Variants in VWC2L observed in about 807,000 individuals in gnomAD.
The protein encoded by VWC2L is von Willebrand factor C domain containing 2 like.
A neutral mutation model predicts 21.6 loss-of-function variants in VWC2L; 10 were observed. The ratio of observed to expected loss-of-function variants is 0.46; its 90% CI spans 0.29 to 0.78. The LOEUF (loss-of-function observed/expected upper bound fraction) is 0.78, where lower values mean the gene tolerates loss of function less well. VWC2L is among the 30% of genes least tolerant of loss of function. The probability of loss-of-function intolerance (pLI) is 0.10; values close to 1 mark genes in which losing one functional copy is unlikely to be tolerated. For missense variants in VWC2L, 209 were observed against 277.1 expected, an observed-to-expected ratio of 0.75 and a Z score of 1.74; for synonymous variants, 96 against 94.3, an observed-to-expected ratio of 1.02 and a Z score of -0.10.
At chr2:214,499,516 G>T (rs573458590) in intron 3 of VWC2L, among the ~76,000 whole-genome samples, 4 of 134,398 alleles carry the variant, frequency 3.0e-5, no homozygotes, top group Admixed American at 1.5e-4. Flanking sequence ...GTGGGGGGAG[G>T]GGTGGAGGGA....
chr2:214,525,305 C>G (rs978911874), intron 3 of VWC2L: 1 of 152,080 alleles, frequency 6.6e-6, no homozygotes, highest in Non-Finnish European at 1.5e-5. Context: ...TGTGTGCAAA[C>G]AGACAAAAGT....
At chr2:214,431,729 T>C (rs1213998112) in intron 2 of VWC2L, among the ~76,000 whole-genome samples, 2 of 152,230 alleles carry the variant, frequency 1.3e-5, no homozygotes, top group Non-Finnish European at 2.9e-5. Context: ...ATATACTAAA[T>C]TGTTGTGCTT....
intron 3 of VWC2L, among the ~76,000 whole-genome samples, chr2:214,568,875 T>C (rs1178701046): frequency 6.6e-6 from 1 of 152,176 alleles, no homozygotes; most frequent in Non-Finnish European, 1.5e-5. Context: ...GGTATCTTAA[T>C]CCTATTGCAT....
chr2:214,492,152 G>A (rs1411912599), intron 3 of VWC2L, among the ~76,000 whole-genome samples: 1 of 152,216 alleles, frequency 6.6e-6, no homozygotes, highest in Non-Finnish European at 1.5e-5. Context: ...AAAGCAGGGA[G>A]AAGTCAAAGA....
At chr2:214,518,186 G>A (rs1393137986) in intron 3 of VWC2L, among the ~76,000 whole-genome samples, 2 of 151,810 alleles carry the variant, frequency 1.3e-5, no homozygotes, top group African/African-American at 4.8e-5. Flanking sequence ...AAATGAATTA[G>A]TACTGTATGT....
chr2:214,508,425 T>C (rs1689001228), intron 3 of VWC2L, among the ~76,000 whole-genome samples: 1 of 152,206 alleles, frequency 6.6e-6, no homozygotes, highest in African/African-American at 2.4e-5. Flanking sequence ...AAACTGCCAT[T>C]TCTACTTTTT....
At chr2:214,450,204 G>A (rs755725863) in intron 3 of VWC2L, among the ~76,000 whole-genome samples, 2 of 152,156 alleles carry the variant, frequency 1.3e-5, no homozygotes, top group South Asian at 2.1e-4. Flanking sequence ...AGGAAAGCAC[G>A]TGAGCCTTTC....
At chr2:214,556,101 T>C (rs1689868790) in intron 3 of VWC2L, among the ~76,000 whole-genome samples, 1 of 151,840 alleles carries the variant, frequency 6.6e-6, no homozygotes, top group African/African-American at 2.4e-5. Context: ...AAAATAAAAA[T>C]AAATATAAAT....
intron 3 of VWC2L, among the ~76,000 whole-genome samples, chr2:214,453,530 T>C (rs1395394455): frequency 6.6e-6 from 1 of 152,184 alleles, no homozygotes; most frequent in Non-Finnish European, 1.5e-5. Flanking sequence ...GGAATTTTAA[T>C]TGGTATTTCA....
At chr2:214,520,325 A>G (rs963587754) in intron 3 of VWC2L, among the ~76,000 whole-genome samples, 9 of 152,168 alleles carry the variant, frequency 5.9e-5, no homozygotes. Context: ...TTTCCATGTA[A>G]TCAATTATTC....
chr2:214,497,773 G>C (rs1688832242), intron 3 of VWC2L, among the ~76,000 whole-genome samples: 1 of 152,154 alleles, frequency 6.6e-6, no homozygotes, highest in Non-Finnish European at 1.5e-5. Flanking sequence ...GAGGCCTGGG[G>C]ATTTATATTC....
At chr2:214,475,594 G>C (rs561804431) in intron 3 of VWC2L, among the ~76,000 whole-genome samples, 19 of 152,196 alleles carry the variant, frequency 1.2e-4, no homozygotes, top group African/African-American at 3.4e-4. Flanking sequence ...AAATGAAATA[G>C]AAGACATGAC....
intron 3 of VWC2L, among the ~76,000 whole-genome samples, chr2:214,495,963 C>T (rs561264030): frequency 1.3e-5 from 2 of 152,154 alleles, no homozygotes; most frequent in Non-Finnish European, 2.9e-5. Flanking sequence ...ATCAAGGATA[C>T]ATTCTAAGAA....
chr2:214,525,980 A>G (rs986245411), intron 3 of VWC2L, among the ~76,000 whole-genome samples: 1 of 152,074 alleles, frequency 6.6e-6, no homozygotes, highest in African/African-American at 2.4e-5. Flanking sequence ...CATTTGGAAC[A>G]GTGTTCTATA....
chr2:214,491,381 C>T (rs918857888), intron 3 of VWC2L, among the ~76,000 whole-genome samples: 10 of 151,950 alleles, frequency 6.6e-5, no homozygotes, highest in African/African-American at 1.5e-4. Context: ...ACGCAGAGCA[C>T]GAGCAATGGG....
At chr2:214,508,096 C>T (rs1688993358) in intron 3 of VWC2L, among the ~76,000 whole-genome samples, 1 of 152,096 alleles carries the variant, frequency 6.6e-6, no homozygotes, top group East Asian at 1.9e-4. Flanking sequence ...CCTGCCTCAG[C>T]CTCCCAAGTA....
At chr2:214,487,359 C>T (rs558012580) in intron 3 of VWC2L, among the ~76,000 whole-genome samples, 12 of 151,906 alleles carry the variant, frequency 7.9e-5, no homozygotes, top group Admixed American at 1.3e-4. Context: ...ACCTACTGTG[C>T]GCCAAGCTCT....
chr2:214,545,308 T>C (rs529120856), intron 3 of VWC2L, among the ~76,000 whole-genome samples: 68 of 152,312 alleles, frequency 4.5e-4, no homozygotes, highest in African/African-American at 1.6e-3. Context: ...CTGTTATTCA[T>C]TGTTCATCTT....
intron 3 of VWC2L, among the ~76,000 whole-genome samples, chr2:214,531,219 TC>T (rs1689429987): frequency 6.6e-6 from 1 of 151,924 alleles, no homozygotes; most frequent in African/African-American, 2.4e-5. Context: ...CAAGTAAGAG[TC>T]CCTACCTACA....
Sources: allele counts gnomAD v4.1 joint callset (sites outside exome capture counted in the v4.1 genomes callset), GRCh38; gene constraint gnomAD v4.1.1; transcripts MANE v1.5; gene names NCBI Gene and HGNC (gene_info 2026-07-23, HGNC 2026-07-21).